OR7C1: variants seen among roughly 807,000 people sequenced by gnomAD.
OR7C1 encodes olfactory receptor family 7 subfamily C member 1, also known as olfactory receptor 7C1.
For missense variants in OR7C1, 324 were observed against 383.3 expected, an observed-to-expected ratio of 0.85 and a Z score of 1.29; for synonymous variants, 152 against 160.7, an observed-to-expected ratio of 0.95 and a Z score of 0.41.
chr19:14,823,388 G>T (rs1246847243), intron 1 of OR7C1, among the ~76,000 whole-genome samples: 1 of 152,200 alleles, frequency 6.6e-6, no homozygotes, highest in African/African-American at 2.4e-5. Flanking sequence ...GGAGGTGGAG[G>T]TTGTGGTGAG....
At chr19:14,808,879 T>G (rs2044678062) in intron 2 of OR7C1, among the ~76,000 whole-genome samples, 1 of 152,040 alleles carries the variant, frequency 6.6e-6, no homozygotes, top group Admixed American at 6.5e-5. Context: ...TGGGCTACTA[T>G]GTAACATTTG....
chr19:14,827,424 G>A (rs1568253481), intron 1 of OR7C1: 3 of 1,614,124 alleles, frequency 1.9e-6, no homozygotes, highest in Non-Finnish European at 2.5e-6. Flanking sequence ...CACTGAGGCT[G>A]TTGCACTTGA....
At chr19:14,804,696 G>A (rs189095019) in intron 2 of OR7C1, among the ~76,000 whole-genome samples, 3 of 151,798 alleles carry the variant, frequency 2.0e-5, no homozygotes, top group Admixed American at 6.6e-5. Context: ...ACTGGGGAGC[G>A]GGGGTAGGGG....
At chr19:14,806,587 A>G (rs997797743) in intron 2 of OR7C1, among the ~76,000 whole-genome samples, 2 of 151,748 alleles carry the variant, frequency 1.3e-5, no homozygotes, top group African/African-American at 4.9e-5. Flanking sequence ...CCCTGTGTCC[A>G]TGCATTCTCA....
chr19:14,832,486 C>T (rs1013703125), intron 1 of OR7C1, among the ~76,000 whole-genome samples: 25 of 148,508 alleles, frequency 1.7e-4, no homozygotes, highest in Admixed American at 6.8e-4. Context: ...AGTGCAGTGG[C>T]GCGATCTCGG....
chr19:14,824,740 C>A (rs980053570), intron 1 of OR7C1: 5 of 152,120 alleles, frequency 3.3e-5, no homozygotes, highest in African/African-American at 1.2e-4. Context: ...GCTATATACT[C>A]AATAATGGGA....
At chr19:14,820,297 G>A (rs2044734690) in intron 1 of OR7C1, among the ~76,000 whole-genome samples, 1 of 150,014 alleles carries the variant, frequency 6.7e-6, no homozygotes, top group Non-Finnish European at 1.5e-5. Flanking sequence ...TATTTTCCCA[G>A]CCATTCCTTT....
chr19:14,820,247 C>T (rs2044734501), intron 1 of OR7C1, among the ~76,000 whole-genome samples: 1 of 152,138 alleles, frequency 6.6e-6, no homozygotes. Flanking sequence ...CAGTTTTGTT[C>T]AATGTGGTTG....
At chr19:14,819,929 T>A (rs1003970331) in intron 1 of OR7C1, among the ~76,000 whole-genome samples, 4 of 152,180 alleles carry the variant, frequency 2.6e-5, no homozygotes, top group Non-Finnish European at 5.9e-5. Context: ...TATTTAGAGA[T>A]ACAGTCTCGC....
chr19:14,814,814 C>T (rs8104030), intron 1 of OR7C1, among the ~76,000 whole-genome samples: 38,334 of 152,032 alleles, frequency 0.25, 5,051 homozygotes, highest in Non-Finnish European at 0.29. Flanking sequence ...CATGACGGGA[C>T]GAGAGGTCAA....
chr19:14,812,884 T>C (rs2044697944), intron 1 of OR7C1, among the ~76,000 whole-genome samples: 1 of 151,492 alleles, frequency 6.6e-6, no homozygotes, highest in Non-Finnish European at 1.5e-5. Context: ...GCCAGCATGG[T>C]GAAACCCCAT....
chr19:14,799,562 G>A, exon 5 of OR7C1: 2 of 1,614,158 alleles, frequency 1.2e-6, no homozygotes, highest in Non-Finnish European at 1.7e-6. Flanking sequence ...ATTAATGAAG[G>A]TGTCAGAACA....
At chr19:14,823,442 A>T (rs60527649) in intron 1 of OR7C1, among the ~76,000 whole-genome samples, 1 of 152,078 alleles carries the variant, frequency 6.6e-6, no homozygotes, top group African/African-American at 2.4e-5. Flanking sequence ...ACAGAGCAAG[A>T]CTCCGTCTAA....
At position 14,813,036 on chromosome 19, in the gene OR7C1, G is replaced by A. The variant is rs2048585236; in HGVS notation, c.-622-3043C>T. Among the ~76,000 whole-genome samples the A allele has an allele frequency of 5.5e-5, 8 of 145,724 alleles. No individual in the cohort carries two copies. The South Asian group carries it at 1.7e-3, about 32-fold the overall frequency. ...GCCAAGGTTGCACCACTGCACTCCA[G>A]CACTCCAGCTTGGGCGACACAGCAA... On this transcript the variant is annotated intron_variant, in intron 1 of 4. Transcript: ENST00000641666.
chr19:14,805,051 A>T (rs2044659828), intron 2 of OR7C1, among the ~76,000 whole-genome samples: 1 of 151,872 alleles, frequency 6.6e-6, no homozygotes, highest in Admixed American at 6.6e-5. Flanking sequence ...GTGGATCTAG[A>T]TAGATAGGAA....
At chr19:14,811,012 G>A (rs995050858) in intron 1 of OR7C1, among the ~76,000 whole-genome samples, 5 of 151,892 alleles carry the variant, frequency 3.3e-5, no homozygotes, top group African/African-American at 1.2e-4. Context: ...AGCATGCACT[G>A]GCAAACATTT....
intron 1 of OR7C1, among the ~76,000 whole-genome samples, chr19:14,829,045 T>TTTTG (rs970435474): frequency 1.3e-5 from 2 of 152,110 alleles, no homozygotes; most frequent in Admixed American, 6.6e-5. Flanking sequence ...TTCTTTTGTT[T>TTTTG]TTTGTTTGTT....
exon 5 of OR7C1, chr19:14,799,402 G>A: frequency 1.2e-6 from 2 of 1,614,198 alleles, no homozygotes; most frequent in Non-Finnish European, 1.7e-6. Flanking sequence ...TGACCACTGA[G>A]AGGTGGGAAC....
chr19:14,822,685 T>A (rs1425489804), intron 1 of OR7C1, among the ~76,000 whole-genome samples: 6 of 152,082 alleles, frequency 3.9e-5, no homozygotes, highest in Non-Finnish European at 7.4e-5. Context: ...CCCAGCCACC[T>A]GCCTTTTTTA....
Sources: allele counts gnomAD v4.1 joint callset (sites outside exome capture counted in the v4.1 genomes callset), GRCh38; gene constraint gnomAD v4.1.1; transcripts MANE v1.5; gene names NCBI Gene and HGNC (gene_info 2026-07-23, HGNC 2026-07-21).